THSD4: variants seen among roughly 807,000 people sequenced by gnomAD.
THSD4 encodes thrombospondin type 1 domain containing 4, also known as thrombospondin type-1 domain-containing protein 4.
In THSD4, 69 loss-of-function variants were observed where a neutral mutation model predicts 119.0. That is an observed-to-expected ratio of 0.58 (90% CI 0.48 to 0.71). The LOEUF is 0.71. THSD4 is among the 30% of genes least tolerant of loss of function. The pLI is 0.00. For synonymous variants in THSD4, 524 were observed against 540.4 expected, an observed-to-expected ratio of 0.97 and a Z score of 0.42; for missense variants, 1,393 against 1,391.1, an observed-to-expected ratio of 1.00 and a Z score of -0.02.
chr15:71,500,008 A>T (rs1351368614), intron 7 of THSD4, among the ~76,000 whole-genome samples: 1 of 152,178 alleles, frequency 6.6e-6, no homozygotes, highest in African/African-American at 2.4e-5. Context: ...CAGAAGTGGA[A>T]TTGTCAGATA....
chr15:71,587,787 T>TAAAAAAAAAAAAAAAAAAAAAA (rs1207231444), intron 7 of THSD4, among the ~76,000 whole-genome samples: 5 of 105,538 alleles, frequency 4.7e-5, no homozygotes, highest in Non-Finnish European at 5.8e-5. Flanking sequence ...AAAAAAAAAT[T>TAAAAAAAAAAAAAAAAAAAAAA]AAAAAAAAAA....
intron 7 of THSD4, among the ~76,000 whole-genome samples, chr15:71,460,913 CTG>C (rs2047421142): frequency 6.6e-6 from 1 of 152,120 alleles, no homozygotes; most frequent in South Asian, 2.1e-4. Flanking sequence ...CAGAGAAAAA[CTG>C]AGTTTTACTC....
intron 6 of THSD4, among the ~76,000 whole-genome samples, chr15:71,313,928 G>C (rs1194401990): frequency 1.3e-5 from 2 of 152,172 alleles, no homozygotes; most frequent in Non-Finnish European, 2.9e-5. Flanking sequence ...AACAAAAGCA[G>C]ATTAAAGCCA....
At chr15:71,741,950 T>C (rs1253639619) in intron 11 of THSD4, among the ~76,000 whole-genome samples, 2 of 152,258 alleles carry the variant, frequency 1.3e-5, no homozygotes, top group African/African-American at 4.8e-5. Context: ...TCCTTTGCTC[T>C]GTCCCAGGCG....
chr15:71,487,357 TA>T (rs1199386681), intron 7 of THSD4, among the ~76,000 whole-genome samples: 5 of 152,258 alleles, frequency 3.3e-5, no homozygotes, highest in African/African-American at 9.6e-5. Context: ...TGGCTTTTGC[TA>T]ACAGCTGCAG....
At chr15:71,455,385 G>A (rs2047325194) in intron 7 of THSD4, among the ~76,000 whole-genome samples, 1 of 152,120 alleles carries the variant, frequency 6.6e-6, no homozygotes, top group Non-Finnish European at 1.5e-5. Flanking sequence ...CGCTTTGACT[G>A]TATATTGATT....
chr15:71,500,531 A>G (rs567698952), intron 7 of THSD4, among the ~76,000 whole-genome samples: 1 of 152,286 alleles, frequency 6.6e-6, no homozygotes, highest in East Asian at 1.9e-4. Context: ...TGTTGGTGTC[A>G]TATCCAAGAC....
intron 1 of THSD4, among the ~76,000 whole-genome samples, chr15:71,097,566 G>GAA (rs201829384): frequency 2.2e-4 from 30 of 138,724 alleles, no homozygotes; most frequent in East Asian, 6.3e-4. Context: ...ACTCTGTCTC[G>GAA]AAAAAAAAAA....
intron 7 of THSD4, among the ~76,000 whole-genome samples, chr15:71,556,487 T>C (rs1255637158): frequency 6.6e-6 from 1 of 152,144 alleles, no homozygotes; most frequent in Non-Finnish European, 1.5e-5. Flanking sequence ...TGGCTCATGT[T>C]TGTAATGCTG....
chr15:71,640,664 C>G (rs1188848504), intron 7 of THSD4, among the ~76,000 whole-genome samples: 1 of 152,146 alleles, frequency 6.6e-6, no homozygotes, highest in East Asian at 1.9e-4. Flanking sequence ...TCTTTGATTT[C>G]TTCTTATTTT....
intron 7 of THSD4, among the ~76,000 whole-genome samples, chr15:71,469,138 ATTTGACCTAAGATATTGT>A (rs2047538671): frequency 6.6e-6 from 1 of 152,182 alleles, no homozygotes; most frequent in African/African-American, 2.4e-5. Context: ...CAGGCCTCAC[ATTTGACCTAAGATATTGT>A]TTGGGTGTTC....
At chr15:71,476,030 T>C (rs1176702859) in intron 7 of THSD4, among the ~76,000 whole-genome samples, 2 of 152,232 alleles carry the variant, frequency 1.3e-5, no homozygotes, top group Non-Finnish European at 2.9e-5. Context: ...TAGGCAAGTT[T>C]ATTAATCTTC....
intron 7 of THSD4, among the ~76,000 whole-genome samples, chr15:71,467,654 G>C (rs917529880): frequency 6.6e-6 from 1 of 152,068 alleles, no homozygotes; most frequent in Non-Finnish European, 1.5e-5. Context: ...GTGATGACTT[G>C]CTTCAGGGAA....
intron 6 of THSD4, among the ~76,000 whole-genome samples, chr15:71,319,555 A>G (rs1442719007): frequency 1.3e-5 from 2 of 151,984 alleles, no homozygotes; most frequent in Non-Finnish European, 2.9e-5. Flanking sequence ...AGCTTCATCC[A>G]TGTTGCTACA....
In THSD4 at chr15:71,255,016, A is replaced by G. The variant is rs148857784; in HGVS notation, c.913-1597A>G. ...TCCCCAACTGCGACTGTCCTTAATC[A>G]AGCAGGAGATGTTTACCCTCACACC... On this transcript the variant is annotated intron_variant, in intron 5 of 17. Coordinates refer to ENST00000261862, the MANE Select transcript of THSD4 (RefSeq NM_024817.3). 3.1e-3 allele frequency among the ~76,000 whole-genome samples: 465 copies of G among 152,264 alleles called. 2 individuals are homozygous for G. The highest frequency in any genetic ancestry group is 0.01 in the African/African-American group (418 of 41,552).
chr15:71,230,794 C>T (rs11634140), intron 4 of THSD4, among the ~76,000 whole-genome samples: 3,394 of 152,370 alleles, frequency 0.022, 54 homozygotes, highest in Non-Finnish European at 0.033. Context: ...ATCTAATATT[C>T]TCTCAGCCTT....
intron 7 of THSD4, among the ~76,000 whole-genome samples, chr15:71,628,722 A>G (rs1221851783): frequency 1.3e-5 from 2 of 152,186 alleles, no homozygotes; most frequent in African/African-American, 4.8e-5. Flanking sequence ...CTTGATGGAG[A>G]CGTTCAAGAG....
chr15:71,749,542 A>G (rs1198805395), intron 14 of THSD4, among the ~76,000 whole-genome samples: 1 of 152,092 alleles, frequency 6.6e-6, no homozygotes, highest in East Asian at 1.9e-4. Flanking sequence ...TCTCGGATAC[A>G]CTAGTTCTGC....
intron 6 of THSD4, among the ~76,000 whole-genome samples, chr15:71,284,972 A>G (rs2044698320): frequency 6.6e-6 from 1 of 152,148 alleles, no homozygotes; most frequent in African/African-American, 2.4e-5. Flanking sequence ...TCTACAAACT[A>G]ATATTCAACC....
Sources: allele counts gnomAD v4.1 joint callset (sites outside exome capture counted in the v4.1 genomes callset), GRCh38; gene constraint gnomAD v4.1.1; transcripts MANE v1.5; gene names NCBI Gene and HGNC (gene_info 2026-07-23, HGNC 2026-07-21).